Variants in KLC1 observed in about 807,000 individuals in gnomAD.
KLC1 encodes kinesin 2 60/70kDa.
In KLC1, 30 loss-of-function variants were observed where a neutral mutation model predicts 84.2. The observed-to-expected ratio is 0.36, with a 90% CI of 0.27 to 0.48. The LOEUF (loss-of-function observed/expected upper bound fraction) is 0.48, where lower values mean the gene tolerates loss of function less well. Among genes scored for constraint, KLC1 ranks in the 20% least tolerant of loss-of-function variants. The probability of loss-of-function intolerance (pLI) is 0.99; values close to 1 mark genes in which losing one functional copy is unlikely to be tolerated. For missense variants in KLC1, 499 were observed against 805.4 expected, an observed-to-expected ratio of 0.62 and a Z score of 4.60; for synonymous variants, 289 against 293.3, an observed-to-expected ratio of 0.99 and a Z score of 0.15.
rs1567027206 is a variant in KLC1, at chr14:103,669,576, C to G, written c.863C>G (p.Thr288Ser). Residue 288 changes from threonine (T) to serine (S), a missense_variant, in exon 6 of 17, where the codon ACT becomes AGT. Transcript: ENST00000334553. ...LNDALAIREK[T>S]LGKDHPAVAA... The stretch of plus-strand genomic sequence containing the variant: ...GATGCCTTGGCTATTCGTGAGAAAA[C>G]TTTGGGCAAAGATCATCCTGCGGTT... 1 of 1,611,018 alleles carries G rather than the reference C, an allele frequency of 6.2e-7. No homozygotes were observed. Among genetic ancestry groups the G allele is most frequent in the East Asian group, 2.2e-5 (1 of 44,854 alleles).
intron 3 of KLC1, among the ~76,000 whole-genome samples, chr14:103,658,428 GTTT>G (rs536826342): frequency 3.3e-5 from 3 of 91,230 alleles, no homozygotes; most frequent in Non-Finnish European, 6.1e-5. Context: ...GCCCAGCTAA[GTTT>G]TTTTTTTTTT....
chr14:103,658,538 G>A (rs975278270), intron 3 of KLC1, among the ~76,000 whole-genome samples: 1 of 148,506 alleles, frequency 6.7e-6, no homozygotes, highest in South Asian at 2.1e-4. Flanking sequence ...GCCTCCCAAA[G>A]TGCTGGTATT....
chr14:103,673,427 A>G lies in KLC1; in HGVS notation c.1257A>G (p.Val419=), dbSNP rs1197061432. 2 of 1,585,704 alleles carry G rather than the reference A, an allele frequency of 1.3e-6. No individual in the cohort carries two copies. The highest frequency in any genetic ancestry group is 2.7e-5 in the African/African-American group (2 of 73,732). ...CACATGAAAGGGAGTTTGGTTCTGT[A>G]GATGGTAAGAAATATACTCCCGTTT... is the stretch of plus-strand genomic sequence containing the variant. The part of the protein sequence containing the change: ...TRAHEREFGS[V]DDENKPIWMH... Residue 419 remains valine (V), a synonymous_variant, in exon 9 of 17, where the codon GTA becomes GTG. Transcript: ENST00000334553.
chr14:103,631,288 G>A (rs551373543), intron 1 of KLC1, among the ~76,000 whole-genome samples: 2 of 152,218 alleles, frequency 1.3e-5, no homozygotes, highest in Non-Finnish European at 2.9e-5. Flanking sequence ...CAACATGTTA[G>A]CCAGGTTGGT....
intron 12 of KLC1, among the ~76,000 whole-genome samples, chr14:103,678,354 A>G (rs1335391552): frequency 6.6e-6 from 1 of 152,240 alleles, no homozygotes; most frequent in Non-Finnish European, 1.5e-5. Context: ...GATTCACCAA[A>G]GTTAAAAGCT....
At chr14:103,657,892 C>A in intron 3 of KLC1, 116 bp downstream of exon 3, 1 of 767,360 alleles carries the variant, frequency 1.3e-6, no homozygotes, top group South Asian at 1.8e-5. Context: ...AACATTAGAA[C>A]ATGCAAAAAT....
At chr14:103,698,695 C>A (rs894669594) in intron 15 of KLC1, 11 of 1,091,896 alleles carry the variant, frequency 1.0e-5, no homozygotes, top group Non-Finnish European at 1.5e-5. Flanking sequence ...TGTGTCTGAA[C>A]CAGGCTCCCA....
At chr14:103,687,290 A>C (rs1595559128) in intron 14 of KLC1, 79 bp downstream of exon 14, 2 of 1,379,636 alleles carry the variant, frequency 1.4e-6, no homozygotes, top group Non-Finnish European at 2.0e-6. Context: ...AGCCTTCCTC[A>C]CCCACAGACT....
At position 103,673,360 on chromosome 14, in the gene KLC1, T is replaced by G. The variant is rs981062516; in HGVS notation, c.1190T>G (p.Phe397Cys). ...LASCYLKQGK[F>C]KQAETLYKEI... The stretch of plus-strand genomic sequence containing the variant: ...TCCTGCTATTTGAAACAAGGAAAGT[T>G]CAAGCAAGCAGAAACACTGTACAAA... Residue 397 changes from phenylalanine to cysteine, a missense_variant, in exon 9 of 17, where the codon TTC becomes TGC. Physicochemically the swap from Phe to Cys is radical, Grantham distance 205. This residue lies in a region of KLC1 where 153 missense variants were observed against 332.4 expected (regional missense o/e 0.46). Coordinates refer to ENST00000334553, the MANE Select transcript of KLC1 (RefSeq NM_001394837.1). 2 of 1,605,434 alleles carry G rather than the reference T, an allele frequency of 1.2e-6. No homozygotes were observed. Among genetic ancestry groups the G allele is most frequent in the Non-Finnish European group, 1.7e-6 (2 of 1,177,564 alleles).
intron 11 of KLC1, among the ~76,000 whole-genome samples, chr14:103,676,559 T>G (rs1310850432): frequency 6.6e-6 from 1 of 152,076 alleles, no homozygotes; most frequent in Non-Finnish European, 1.5e-5. Context: ...AGCCACTGTG[T>G]CTTTCCACTC....
chr14:103,633,183 G>A (rs1474282599), intron 1 of KLC1, among the ~76,000 whole-genome samples: 1 of 151,492 alleles, frequency 6.6e-6, no homozygotes, highest in African/African-American at 2.4e-5. Flanking sequence ...TCAGCCTCCC[G>A]AGTAGCTGGG....
At chr14:103,652,552 C>T (rs759844994) in intron 1 of KLC1, among the ~76,000 whole-genome samples, 2 of 151,694 alleles carry the variant, frequency 1.3e-5, no homozygotes, top group Non-Finnish European at 1.5e-5. Flanking sequence ...AGTGCAGTGG[C>T]GCGATCTCGG....
chr14:103,633,641 C>T lies in KLC1; in HGVS notation c.-2+4147C>T, dbSNP rs1275665447. On this transcript the variant is annotated intron_variant, in intron 1 of 16. Transcript: ENST00000334553. ...TGATCCTGTGAAAACCTGAGTCACT[C>T]CTCTGTTAAAGCTTTTGTCAGTGTC... Among the ~76,000 whole-genome samples, 4 of 152,010 alleles carry T rather than the reference C, an allele frequency of 2.6e-5. No homozygotes were observed. The East Asian group carries it at 7.7e-4, about 29-fold the overall frequency.
chr14:103,664,281 A>G (rs1486721794), intron 5 of KLC1, among the ~76,000 whole-genome samples: 1 of 152,058 alleles, frequency 6.6e-6, no homozygotes, highest in Non-Finnish European at 1.5e-5. Flanking sequence ...CCTCCTGAGT[A>G]GCTGGGATTA....
At chr14:103,683,107 T>C (rs763147631) in intron 13 of KLC1, 5 of 152,200 alleles carry the variant, frequency 3.3e-5, no homozygotes, top group Admixed American at 6.5e-5. Context: ...CAAAGAGTTA[T>C]GTGGTCAAAG....
At chr14:103,652,232 T>C (rs2078507343) in intron 1 of KLC1, among the ~76,000 whole-genome samples, 1 of 152,206 alleles carries the variant, frequency 6.6e-6, no homozygotes, top group South Asian at 2.1e-4. Context: ...AGATCAACAC[T>C]TTAACCTAGT....
chr14:103,640,517 C>T (rs542022951), intron 1 of KLC1, among the ~76,000 whole-genome samples: 130 of 152,088 alleles, frequency 8.5e-4, no homozygotes, highest in African/African-American at 3.0e-3. Context: ...CCCGCCACCA[C>T]GCCTGGCTAA....
chr14:103,673,706 G>C (rs1414054185), intron 9 of KLC1, among the ~76,000 whole-genome samples: 1 of 152,070 alleles, frequency 6.6e-6, no homozygotes, highest in African/African-American at 2.4e-5. Context: ...GGTGGATCAC[G>C]AGGTCAGGCG....
At chr14:103,668,263 T>G (rs143261508) in intron 5 of KLC1, among the ~76,000 whole-genome samples, 8 of 152,308 alleles carry the variant, frequency 5.3e-5, no homozygotes, top group Non-Finnish European at 1.2e-4. Flanking sequence ...GCTTGGTCCA[T>G]TGTTCTAGAC....
Sources: gnomAD v4.1 joint callset for allele counts (sites outside exome capture counted in the v4.1 genomes callset) on GRCh38, gnomAD v4.1.1 for gene constraint, gnomAD v4.1.1 regional missense constraint, MANE v1.5 for transcripts, NCBI Gene and HGNC (gene_info 2026-07-23, HGNC 2026-07-21) for gene names.